GRIP2: variants seen among roughly 807,000 people sequenced by gnomAD.
GRIP2 encodes glutamate receptor-interacting protein 2.
In GRIP2, 58 loss-of-function variants were observed where a neutral mutation model predicts 108.3. That is an observed-to-expected ratio of 0.54 (90% CI 0.43 to 0.67). The LOEUF (loss-of-function observed/expected upper bound fraction) is 0.67. Ranked by LOEUF, GRIP2 falls within the 30% of genes least tolerant of loss-of-function variation. The pLI, the probability that GRIP2 is intolerant of heterozygous loss-of-function variation, is 0.00. For missense variants in GRIP2, 1,278 were observed against 1,430.6 expected (o/e 0.89, Z 1.72); for synonymous variants, 586 against 598.2 (o/e 0.98, Z 0.30).
At chr3:14,539,731 C>T (rs1694915774) in intron 1 of GRIP2, among the ~76,000 whole-genome samples, 1 of 152,182 alleles carries the variant, frequency 6.6e-6, no homozygotes, top group Admixed American at 6.5e-5. Flanking sequence ...AATGTGGCAG[C>T]TGTGATCCCC....
chr3:14,508,572 C>T (rs1361153047), intron 17 of GRIP2, among the ~76,000 whole-genome samples: 1 of 152,080 alleles, frequency 6.6e-6, no homozygotes, highest in Non-Finnish European at 1.5e-5. Context: ...CCCTGCACTT[C>T]CCCAGGGATG....
chr3:14,517,124 T>G lies in GRIP2; in HGVS notation c.1246A>C (p.Met416Leu), dbSNP rs758088676. 1.2e-6 allele frequency: 2 copies of G among 1,610,554 alleles called. No homozygotes were observed. The highest frequency in any genetic ancestry group is 4.5e-5 in the East Asian group (2 of 44,516). ...PSTLPRGSQP[M>L]SPRTTMGRRR... ...CGCCCCATTGTAGTTCGAGGACTCA[T>G]GGGCTGGGATCCACGGGGAAGGGTG... The change falls in exon 11 of 24, where the codon ATG becomes CTG. Residue 416 changes from methionine (M) to leucine (L), a missense_variant. Met to Leu is a conservative substitution (Grantham distance 15). Transcript: ENST00000621039.
chr3:14,524,871 C>T (rs547689794), intron 3 of GRIP2, among the ~76,000 whole-genome samples: 115 of 152,328 alleles, frequency 7.5e-4, no homozygotes, highest in Admixed American at 1.7e-3. Context: ...CACCAACCTT[C>T]CTGCTGTTCA....
At position 14,521,526 on chromosome 3, in the gene GRIP2, C is replaced by T. The variant is rs116135483; in HGVS notation, c.712+116G>A. 6,684 of 1,160,146 alleles carry T rather than the reference C, an allele frequency of 5.8e-3. 43 individuals carry two copies. Among genetic ancestry groups the T allele is most frequent in the Non-Finnish European group, 6.1e-3 (5,085 of 837,402 alleles). 71.9% of individuals were successfully genotyped at this position (1,160,146 alleles called of 1,614,324 possible). ...TACTGCCCAGAGAAGCTGTGACTGG[C>T]CCAAGGTCATAAGGTCATGCAGCCT... is the stretch of plus-strand genomic sequence containing the variant. On this transcript the variant is annotated intron_variant, in intron 7 of 23. Transcript: ENST00000621039. This position sits in a 1 kb window ranked among gnomAD's most constrained non-coding sequence, Gnocchi z 5.1.
At chr3:14,537,188 C>T (rs892917888) in intron 1 of GRIP2, among the ~76,000 whole-genome samples, 6 of 152,172 alleles carry the variant, frequency 3.9e-5, no homozygotes, top group Non-Finnish European at 8.8e-5. Context: ...TCACATCCCC[C>T]TAGGGCCTTT....
chr3:14,509,392 A>G (rs1027970326), intron 17 of GRIP2, among the ~76,000 whole-genome samples: 4 of 152,222 alleles, frequency 2.6e-5, no homozygotes, highest in African/African-American at 9.6e-5. Flanking sequence ...CAGCTGCCAC[A>G]GTTTCAGAGT....
At chr3:14,577,247 T>A in the GRIP2 span, among the ~76,000 whole-genome samples, 4 of 152,214 alleles carry the variant, frequency 2.6e-5, no homozygotes, top group African/African-American at 9.7e-5. Context: ...TCATGTTGAA[T>A]TGGATAAGAG....
At chr3:14,508,974 G>A (rs1405973685) in intron 17 of GRIP2, among the ~76,000 whole-genome samples, 1 of 152,186 alleles carries the variant, frequency 6.6e-6, no homozygotes, top group Non-Finnish European at 1.5e-5. Context: ...AACCAGGACA[G>A]AGGGGCCAGG....
the GRIP2 span, among the ~76,000 whole-genome samples, chr3:14,593,516 T>C: frequency 6.6e-6 from 1 of 152,198 alleles, no homozygotes; most frequent in African/African-American, 2.4e-5. Flanking sequence ...AGTGACACAG[T>C]CACCATGTGG....
the GRIP2 span, among the ~76,000 whole-genome samples, chr3:14,578,429 T>C: frequency 6.6e-6 from 1 of 152,168 alleles, no homozygotes; most frequent in South Asian, 2.1e-4. Context: ...TAAGAATTTA[T>C]GAAGGGGCTG....
chr3:14,578,551 T>C, the GRIP2 span, among the ~76,000 whole-genome samples: 1 of 152,034 alleles, frequency 6.6e-6, no homozygotes, highest in African/African-American at 2.4e-5. Context: ...ATCCCGTCTC[T>C]ACTAAAAATA....
chr3:14,508,607 G>C (rs766591873), intron 17 of GRIP2, among the ~76,000 whole-genome samples: 23 of 152,230 alleles, frequency 1.5e-4, no homozygotes, highest in Admixed American at 1.4e-3. Context: ...GTCAGGGAAT[G>C]GTGGGCTCCG....
At chr3:14,501,043 T>C (rs1693751800) in intron 21 of GRIP2, among the ~76,000 whole-genome samples, 2 of 152,202 alleles carry the variant, frequency 1.3e-5, no homozygotes, top group African/African-American at 4.8e-5. Flanking sequence ...ATCCTAATAA[T>C]TATTTAGCCA....
the GRIP2 span, among the ~76,000 whole-genome samples, chr3:14,562,503 TC>T: frequency 6.6e-6 from 1 of 152,224 alleles, no homozygotes; most frequent in Non-Finnish European, 1.5e-5. Context: ...ACATCATTTT[TC>T]TATGAACAGA....
chr3:14,564,389 G>C, the GRIP2 span, among the ~76,000 whole-genome samples: 3 of 152,210 alleles, frequency 2.0e-5, no homozygotes, highest in Non-Finnish European at 4.4e-5. Flanking sequence ...GCCAGGCCAC[G>C]GCAGTGCCGG....
chr3:14,523,167 A>G (rs1036578640), intron 5 of GRIP2, 92 bp from the exon 6 acceptor site: 1 of 943,344 alleles, frequency 1.1e-6, no homozygotes, highest in East Asian at 2.5e-5. Flanking sequence ...TCCTTCAATA[A>G]AACCTGTTTG....
chr3:14,523,948 T>C, intron 4 of GRIP2: 1 of 543,880 alleles, frequency 1.8e-6, no homozygotes, highest in South Asian at 2.3e-5. Context: ...GAACTCAGGC[T>C]TGAGTCCATG....
At chr3:14,535,124 C>G (rs1559350098) in intron 1 of GRIP2, among the ~76,000 whole-genome samples, 1 of 152,052 alleles carries the variant, frequency 6.6e-6, no homozygotes, top group African/African-American at 2.4e-5. Context: ...GCCAGCTCAC[C>G]GGGACCCTGG....
At chr3:14,498,061 C>T (rs1421269228) in intron 21 of GRIP2, among the ~76,000 whole-genome samples, 1 of 152,182 alleles carries the variant, frequency 6.6e-6, no homozygotes, top group African/African-American at 2.4e-5. Context: ...CTCCTTCTAC[C>T]CATCACAGTA....
Sources: gnomAD v4.1 joint callset for allele counts (sites outside exome capture counted in the v4.1 genomes callset) on GRCh38, gnomAD v4.1.1 for gene constraint, Gnocchi (gnomAD v3.1) non-coding constraint, MANE v1.5 for transcripts, NCBI Gene and HGNC (gene_info 2026-07-23, HGNC 2026-07-21) for gene names.